The following NHSL1 variants were observed in gnomAD, a reference collection of about 807,000 sequenced individuals.
NHSL1 encodes NHS-like protein 1.
In NHSL1, 48 loss-of-function variants were observed where a neutral mutation model predicts 95.0. The ratio of observed to expected loss-of-function variants is 0.51; its 90% confidence interval spans 0.40 to 0.64. The LOEUF (loss-of-function observed/expected upper bound fraction) is 0.64. NHSL1 is among the 30% of genes least tolerant of loss of function. The pLI is 0.00. For missense variants in NHSL1, 1,971 were observed against 2,077.7 expected (o/e 0.95, Z 1.00); for synonymous variants, 783 against 833.9 (o/e 0.94, Z 1.05).
Position 138,463,007 on chromosome 6 carries a change from G to C in NHSL1, c.339+10299C>G, listed in dbSNP as rs191956476. 6.6e-5 allele frequency among the ~76,000 whole-genome samples: 10 copies of C among 152,308 alleles called. No homozygotes were observed. The East Asian group carries it at 1.7e-3, about 26-fold the overall frequency. ...GGGGGTGAAATAATTTTTGTAATGA[G>C]ATTCTAGAGAGACCAAGCTAGAAAA... On this transcript the variant is annotated intron_variant, in intron 3 of 7. Coordinates refer to ENST00000343505, the MANE Select transcript of NHSL1 (RefSeq NM_001144060.2).
chr6:138,606,702 CTTTTTTTTTT>C (rs777156294), intron 1 of NHSL1, among the ~76,000 whole-genome samples: 1 of 123,402 alleles, frequency 8.1e-6, no homozygotes, highest in South Asian at 2.7e-4. Context: ...TTCTTTCTTT[CTTTTTTTTTT>C]TTTTTTTTGA....
chr6:138,642,197 T>A (rs1040343143), intron 1 of NHSL1, among the ~76,000 whole-genome samples: 1 of 152,148 alleles, frequency 6.6e-6, no homozygotes, highest in African/African-American at 2.4e-5. Flanking sequence ...CAAGAATTTG[T>A]ATTTCTCTAC....
intron 1 of NHSL1, among the ~76,000 whole-genome samples, chr6:138,636,528 CA>C (rs1419847251): frequency 2.0e-5 from 3 of 152,048 alleles, no homozygotes; most frequent in African/African-American, 7.2e-5. Flanking sequence ...TGAAGACCAT[CA>C]AAAAACTATT....
At chr6:138,570,717 C>A (rs964103423) in intron 1 of NHSL1, among the ~76,000 whole-genome samples, 1 of 152,210 alleles carries the variant, frequency 6.6e-6, no homozygotes. Flanking sequence ...GATTCTCTCA[C>A]GTTTCAGTAG....
chr6:138,667,080 T>A (rs760412788), intron 1 of NHSL1, among the ~76,000 whole-genome samples: 1 of 152,230 alleles, frequency 6.6e-6, no homozygotes, highest in Non-Finnish European at 1.5e-5. Flanking sequence ...AATGTCCAAT[T>A]GCATCTTTCC....
Position 138,424,247 on chromosome 6 carries a change from AG to A in NHSL1, c.4654del (p.Leu1552TrpfsTer51). On this transcript the variant is annotated frameshift_variant, in exon 8 of 8. Transcript: ENST00000343505. LOFTEE classifies it low-confidence loss of function (END_TRUNC). The surrounding 1 kb of genome is among the most constrained non-coding windows in gnomAD (Gnocchi z 5.9). ...CATCTCCTCCCTCGCCAGTCCGTCC[AG>A]GGAACATCCCTCCGCAGCGCCCAGA... ...GALGAAEGCS[L>X]DGLAREEMDE... 1 of 1,506,466 alleles carries A rather than the reference AG, an allele frequency of 6.6e-7. No individual in the cohort carries two copies. The allele number at this position is 1,506,466 out of a possible 1,614,324, so 93.3% of individuals were successfully genotyped here. A position where few individuals can be genotyped will look rare whatever the true frequency, so the allele number is the denominator to read the frequency against.
intron 2 of NHSL1, among the ~76,000 whole-genome samples, chr6:138,483,958 T>G (rs183932456): frequency 3.8e-4 from 58 of 152,324 alleles, no homozygotes; most frequent in Middle Eastern, 3.4e-3. Context: ...ATTTTCCACC[T>G]TCATTAACCC....
At chr6:138,509,651 G>A (rs1374413257) in intron 1 of NHSL1, among the ~76,000 whole-genome samples, 2 of 152,132 alleles carry the variant, frequency 1.3e-5, no homozygotes, top group Non-Finnish European at 2.9e-5. Context: ...AAGACAACAT[G>A]CTCTCATTCA....
chr6:138,656,599 T>G (rs1439958268), intron 1 of NHSL1, among the ~76,000 whole-genome samples: 3 of 152,176 alleles, frequency 2.0e-5, no homozygotes, highest in Non-Finnish European at 1.5e-5. Context: ...GTTTAAATCT[T>G]CTATAAATGA....
intron 1 of NHSL1, among the ~76,000 whole-genome samples, chr6:138,598,490 G>A (rs954459381): frequency 2.6e-5 from 4 of 151,536 alleles, no homozygotes; most frequent in Admixed American, 2.0e-4. Context: ...ATGTGGTGGT[G>A]CACACCTGTA....
chr6:138,503,266 G>A (rs1400856255), upstream of NHSL1, among the ~76,000 whole-genome samples: 1 of 151,970 alleles, frequency 6.6e-6, no homozygotes, highest in African/African-American at 2.4e-5. Flanking sequence ...GCATATGATG[G>A]CTCCTTCTCC....
chr6:138,589,817 C>T (rs1371145485), intron 1 of NHSL1, among the ~76,000 whole-genome samples: 1 of 152,146 alleles, frequency 6.6e-6, no homozygotes, highest in East Asian at 1.9e-4. Flanking sequence ...TCTGAGTCGG[C>T]ACAGCCCCAG....
At chr6:138,606,217 T>G (rs1352226425) in intron 1 of NHSL1, among the ~76,000 whole-genome samples, 1 of 152,198 alleles carries the variant, frequency 6.6e-6, no homozygotes, top group Non-Finnish European at 1.5e-5. Context: ...AGGAAAGACC[T>G]GGCACCTTCC....
chr6:138,481,230 T>C lies in NHSL1; in HGVS notation c.212-7797A>G, dbSNP rs373354180. Among the ~76,000 whole-genome samples the C allele has an allele frequency of 1.2e-4, 18 of 152,292 alleles. No homozygotes were observed. The East Asian group carries it at 3.1e-3, about 26-fold the overall frequency. On this transcript the variant is annotated intron_variant, in intron 2 of 7. Transcript: ENST00000343505. ...GACTGCACCTAAATATCATGTATTGTGAATATTAGAGAACTTATTTTCTTA... is the reference window on the plus strand; with the variant it reads ...GACTGCACCTAAATATCATGTATTGCGAATATTAGAGAACTTATTTTCTTA...
intron 5 of NHSL1, among the ~76,000 whole-genome samples, chr6:138,440,741 C>G (rs747745083): frequency 6.6e-6 from 1 of 152,232 alleles, no homozygotes; most frequent in Non-Finnish European, 1.5e-5. Flanking sequence ...AACAGAGAAG[C>G]ACAATGTCTG....
At chr6:138,671,045 C>G (rs1368382060) in intron 1 of NHSL1, among the ~76,000 whole-genome samples, 1 of 152,080 alleles carries the variant, frequency 6.6e-6, no homozygotes, top group East Asian at 1.9e-4. Flanking sequence ...CCCAGATACT[C>G]CCAGGAGGCT....
rs201130116 is a variant in NHSL1 at position 138,458,842 on chromosome 6, C to A, written c.340-11649G>T. 4.3e-3 allele frequency among the ~76,000 whole-genome samples: 521 copies of A among 119,776 alleles called. 2 individuals carry two copies. Among genetic ancestry groups the A allele is most frequent in the African/African-American group, 0.012 (332 of 28,246 alleles). The allele number at this position is 119,776 out of a possible 152,430, so 78.6% of individuals were successfully genotyped here. A position where few individuals can be genotyped will look rare whatever the true frequency, so the allele number is the denominator to read the frequency against. The stretch of plus-strand genomic sequence containing the variant: ...AAAATCTGTCTCAAAAAAAAAAAAA[C>A]AAAAAAAAAAACCCAGAAAAAATCT... On this transcript the variant is annotated intron_variant, in intron 3 of 7. Transcript: ENST00000343505.
intron 2 of NHSL1, among the ~76,000 whole-genome samples, chr6:138,490,784 C>T (rs1164253669): frequency 1.3e-5 from 2 of 152,164 alleles, no homozygotes; most frequent in Non-Finnish European, 2.9e-5. Flanking sequence ...CAGGCATGCG[C>T]CACCACACCC....
chr6:138,461,304 C>T (rs767468272), intron 3 of NHSL1, among the ~76,000 whole-genome samples: 22 of 152,182 alleles, frequency 1.4e-4, no homozygotes, highest in Admixed American at 2.6e-4. Context: ...ATGCATGGTA[C>T]TTAAAGCCTT....
Sources: gnomAD v4.1 joint callset for allele counts (sites outside exome capture counted in the v4.1 genomes callset) on GRCh38, gnomAD v4.1.1 for gene constraint, Gnocchi (gnomAD v3.1) non-coding constraint, MANE v1.5 for transcripts, NCBI Gene and HGNC (gene_info 2026-07-23, HGNC 2026-07-21) for gene names.